Variants in UBE2K observed in about 807,000 individuals in gnomAD.
The protein encoded by UBE2K is ubiquitin conjugating enzyme E2 K, also known as ubiquitin-conjugating enzyme E2 K.
In UBE2K, 6 loss-of-function variants were observed where a neutral mutation model predicts 30.0. That is an observed-to-expected ratio of 0.20 (90% CI 0.11 to 0.39). The LOEUF (loss-of-function observed/expected upper bound fraction) is 0.39. Among genes scored for constraint, UBE2K ranks in the 10% least tolerant of loss-of-function variants. UBE2K has a pLI of 1.00. For missense variants in UBE2K, 61 were observed against 241.6 expected (o/e 0.25, Z 4.96); for synonymous variants, 86 against 83.7 (o/e 1.03, Z -0.15).
chr4:39,774,046 C>T (rs183850734), intron 4 of UBE2K, among the ~76,000 whole-genome samples: 2 of 152,136 alleles, frequency 1.3e-5, no homozygotes, highest in Non-Finnish European at 2.9e-5. Flanking sequence ...ACCTGTAACC[C>T]TAACCTTTGG....
intron 3 of UBE2K, among the ~76,000 whole-genome samples, chr4:39,748,786 C>T (rs559178378): frequency 4.9e-4 from 74 of 151,398 alleles, no homozygotes; most frequent in African/African-American, 1.7e-3. Flanking sequence ...TCTTTAAATA[C>T]GGTATATATG....
At chr4:39,733,191 C>A (rs1720176775) in intron 1 of UBE2K, among the ~76,000 whole-genome samples, 1 of 151,968 alleles carries the variant, frequency 6.6e-6, no homozygotes, top group African/African-American at 2.4e-5. Context: ...CAGAATTTCA[C>A]CCAAAAGCTA....
chr4:39,769,841 G>A (rs1364061325), intron 4 of UBE2K, among the ~76,000 whole-genome samples: 1 of 151,944 alleles, frequency 6.6e-6, no homozygotes, highest in African/African-American at 2.4e-5. Context: ...CTGGGACCCC[G>A]TATTCCCCTG....
chr4:39,703,121 G>A (rs1718127812), intron 1 of UBE2K, among the ~76,000 whole-genome samples: 1 of 152,082 alleles, frequency 6.6e-6, no homozygotes, highest in Non-Finnish European at 1.5e-5. Context: ...CTCCCGAGTA[G>A]CTTGGATTAC....
chr4:39,703,791 G>A (rs1046296880), intron 1 of UBE2K, among the ~76,000 whole-genome samples: 16 of 148,494 alleles, frequency 1.1e-4, no homozygotes, highest in African/African-American at 3.9e-4. Context: ...AGGTTGCAGT[G>A]AGCGAGATGG....
intron 1 of UBE2K, among the ~76,000 whole-genome samples, chr4:39,700,292 T>G (rs1717935550): frequency 1.3e-5 from 2 of 152,176 alleles, no homozygotes; most frequent in African/African-American, 4.8e-5. Flanking sequence ...GTAAGGGATG[T>G]TGAAGCCTTA....
intron 1 of UBE2K, among the ~76,000 whole-genome samples, chr4:39,729,186 G>C (rs796872896): frequency 1.6e-4 from 24 of 151,854 alleles, no homozygotes; most frequent in African/African-American, 5.8e-4. Context: ...GGCCAGGCTA[G>C]TCTCGAACTC....
chr4:39,698,263 G>T lies in UBE2K; in HGVS notation c.-65G>T. ...GGAGGAGGCGGTGGAGGAAGAGGTG[G>T]CGGCGGTGGCGGTGGTCGTAGCGGT... is the stretch of plus-strand genomic sequence containing the variant. On this transcript the variant is annotated 5_prime_UTR_variant, in exon 1 of 7. Coordinates refer to ENST00000261427, the MANE Select transcript of UBE2K (RefSeq NM_005339.5). 6.7e-7 allele frequency: 1 copy of T among 1,497,902 alleles called. No homozygotes were observed. The highest frequency in any genetic ancestry group is 9.2e-7 in the Non-Finnish European group (1 of 1,088,566). The allele number at this position is 1,497,902 out of a possible 1,614,324, so 92.8% of individuals were successfully genotyped here. A position where few individuals can be genotyped will look rare whatever the true frequency, so the allele number is the denominator to read the frequency against.
chr4:39,716,264 G>GTGTCTGTC (rs138078900), intron 1 of UBE2K, among the ~76,000 whole-genome samples: 2,823 of 152,016 alleles, frequency 0.019, 92 homozygotes, highest in African/African-American at 0.064. Flanking sequence ...TTGAAACATG[G>GTGTCTGTC]TGTCTGTCTG....
intron 4 of UBE2K, among the ~76,000 whole-genome samples, chr4:39,764,496 G>C (rs1204180089): frequency 2.0e-5 from 3 of 150,774 alleles, no homozygotes; most frequent in Non-Finnish European, 2.9e-5. Context: ...CTAGGCTGGA[G>C]TGCAGTGACA....
intron 1 of UBE2K, among the ~76,000 whole-genome samples, chr4:39,733,384 A>C (rs1298994298): frequency 7.5e-6 from 1 of 133,822 alleles, no homozygotes; most frequent in Non-Finnish European, 1.5e-5. Flanking sequence ...TCCAGGCTGC[A>C]TGTAGTGGTG....
chr4:39,746,008 A>G (rs1017569247), intron 3 of UBE2K, among the ~76,000 whole-genome samples, 198 bp downstream of exon 3: 2 of 152,130 alleles, frequency 1.3e-5, no homozygotes, highest in Admixed American at 1.3e-4. Context: ...ACTCACCCAA[A>G]GGCAGCCAGT....
chr4:39,726,572 C>T (rs1719764016), intron 1 of UBE2K, among the ~76,000 whole-genome samples: 1 of 151,916 alleles, frequency 6.6e-6, no homozygotes, highest in South Asian at 2.1e-4. Flanking sequence ...TGTCAGATTC[C>T]CACTCCCTTC....
At chr4:39,747,179 AT>A (rs1169845956) in intron 3 of UBE2K, among the ~76,000 whole-genome samples, 16 of 152,244 alleles carry the variant, frequency 1.1e-4, no homozygotes, top group Admixed American at 3.3e-4. Context: ...AGTCTGGTCG[AT>A]TTTTTTATTG....
chr4:39,701,795 G>A (rs368067773), intron 1 of UBE2K, among the ~76,000 whole-genome samples: 104 of 148,608 alleles, frequency 7.0e-4, no homozygotes, highest in African/African-American at 2.3e-3. Flanking sequence ...GAATCTCGCT[G>A]TCTCGCCCAG....
At chr4:39,717,228 T>G (rs912034933) in intron 1 of UBE2K, among the ~76,000 whole-genome samples, 8 of 151,940 alleles carry the variant, frequency 5.3e-5, no homozygotes, top group Non-Finnish European at 8.8e-5. Context: ...TCCCAGCTTT[T>G]CTTTTCTTTC....
intron 4 of UBE2K, among the ~76,000 whole-genome samples, chr4:39,759,285 A>AT (rs1001380896): frequency 8.0e-5 from 12 of 150,386 alleles, no homozygotes; most frequent in Admixed American, 1.3e-4. Flanking sequence ...TATTATTATT[A>AT]TTTTTTTTTG....
chr4:39,722,681 G>A (rs1578436551), intron 1 of UBE2K, among the ~76,000 whole-genome samples: 3 of 148,962 alleles, frequency 2.0e-5, no homozygotes, highest in Non-Finnish European at 1.5e-5. Flanking sequence ...CCACAAAGAC[G>A]TGGGGAGAAC....
chr4:39,710,529 A>G (rs759013365), intron 1 of UBE2K, among the ~76,000 whole-genome samples: 2 of 152,020 alleles, frequency 1.3e-5, no homozygotes, highest in Non-Finnish European at 2.9e-5. Context: ...TCAGCCTCCC[A>G]AAGTCCTGGG....
Sources: gnomAD v4.1 joint callset for allele counts (sites outside exome capture counted in the v4.1 genomes callset) on GRCh38, gnomAD v4.1.1 for gene constraint, MANE v1.5 for transcripts, NCBI Gene and HGNC (gene_info 2026-07-23, HGNC 2026-07-21) for gene names.